DGKI: variants seen among roughly 807,000 people sequenced by gnomAD.
DGKI encodes diacylglycerol kinase iota.
Under a neutral mutation model 147.5 loss-of-function variants are expected in DGKI, and 55 were observed. The observed-to-expected ratio is 0.37, with a 90% CI of 0.30 to 0.47. DGKI has a LOEUF of 0.47. Among genes scored for constraint, DGKI ranks in the 20% least tolerant of loss-of-function variants. DGKI has a pLI of 1.00. For missense variants in DGKI, 1,007 were observed against 1,323.8 expected (o/e 0.76, Z 3.71); for synonymous variants, 469 against 477.1 (o/e 0.98, Z 0.22).
At chr7:137,395,517 C>T (rs539520894) in intron 32 of DGKI, 81 bp downstream of exon 32, 16 of 1,302,458 alleles carry the variant, frequency 1.2e-5, no homozygotes, top group Admixed American at 1.8e-5. Context: ...AAAGGATGTC[C>T]GTGCTATGGT....
intron 3 of DGKI, among the ~76,000 whole-genome samples, chr7:137,678,160 G>A (rs1585361036): frequency 6.6e-6 from 1 of 152,008 alleles, no homozygotes; most frequent in East Asian, 1.9e-4. Flanking sequence ...CACCAGTAAA[G>A]CCCCCACTGT....
intron 5 of DGKI, among the ~76,000 whole-genome samples, chr7:137,649,730 G>A (rs1479502273): frequency 6.7e-6 from 1 of 149,644 alleles, no homozygotes; most frequent in African/African-American, 2.5e-5. Context: ...AATACCACCT[G>A]TTCCTCAAAA....
intron 1 of DGKI, among the ~76,000 whole-genome samples, chr7:137,802,175 G>A (rs11769670): frequency 1.4e-3 from 208 of 152,230 alleles, no homozygotes; most frequent in Non-Finnish European, 2.2e-3. Context: ...TCTCTAAGTG[G>A]AAGCTAAGCT....
chr7:137,617,724 A>G (rs1264127840), intron 8 of DGKI, among the ~76,000 whole-genome samples: 5 of 152,098 alleles, frequency 3.3e-5, no homozygotes, highest in Non-Finnish European at 7.4e-5. Context: ...ATCAAGGTCA[A>G]TATCCTGGTT....
chr7:137,420,262 T>C (rs528066004), intron 28 of DGKI, among the ~76,000 whole-genome samples: 2 of 152,274 alleles, frequency 1.3e-5, no homozygotes, highest in Admixed American at 1.3e-4. Flanking sequence ...CAAGGTATCA[T>C]TCCTGCTGAA....
chr7:137,707,212 C>CGTG (rs1694092904), intron 1 of DGKI, among the ~76,000 whole-genome samples: 1 of 152,130 alleles, frequency 6.6e-6, no homozygotes, highest in South Asian at 2.1e-4. Context: ...GTCTGCTTAT[C>CGTG]GTAAGTACCT....
intron 1 of DGKI, among the ~76,000 whole-genome samples, chr7:137,827,893 C>G (rs1257973078): frequency 1.3e-5 from 2 of 152,176 alleles, no homozygotes; most frequent in Admixed American, 1.3e-4. Flanking sequence ...TATGTTTTCT[C>G]CATTCAATCA....
chr7:137,401,758 T>A (rs1811769637), intron 30 of DGKI, among the ~76,000 whole-genome samples: 1 of 152,176 alleles, frequency 6.6e-6, no homozygotes, highest in African/African-American at 2.4e-5. Flanking sequence ...ATGTCCACCC[T>A]TCATCCTTTG....
At chr7:137,555,423 G>A (rs1585226657) in intron 19 of DGKI, among the ~76,000 whole-genome samples, 2 of 152,090 alleles carry the variant, frequency 1.3e-5, no homozygotes, top group South Asian at 4.2e-4. Flanking sequence ...CTAGTTGGGA[G>A]GCTTAGGGAG....
At chr7:137,611,309 A>G (rs1388913288) in intron 8 of DGKI, among the ~76,000 whole-genome samples, 2 of 152,198 alleles carry the variant, frequency 1.3e-5, no homozygotes, top group Non-Finnish European at 2.9e-5. Context: ...AACCATCTCT[A>G]CACATTGGCA....
At position 137,382,895 on chromosome 7, in the gene DGKI, T is replaced by C. The variant is rs1811092398; in HGVS notation, c.*8325A>G. ...TGAAATCTAGGAACTCAAGCTGTAT[T>C]ACAGAATTAAGGGATGATGGGCAAT... On this transcript the variant is annotated 3_prime_UTR_variant, in exon 33 of 33. Transcript: ENST00000614521. The C allele has an allele frequency of 6.6e-6, 1 of 152,012 alleles. No homozygotes were observed. Among genetic ancestry groups the C allele is most frequent in the Admixed American group, 6.6e-5 (1 of 15,238 alleles). 9.4% of individuals were successfully genotyped at this position (152,012 alleles called of 1,614,324 possible). A position where few individuals can be genotyped will look rare whatever the true frequency, so the allele number is the denominator to read the frequency against.
chr7:137,408,479 C>T (rs748836701), intron 29 of DGKI, among the ~76,000 whole-genome samples: 34 of 152,302 alleles, frequency 2.2e-4, no homozygotes, highest in Non-Finnish European at 5.0e-4. Context: ...ATCAAAGCTG[C>T]TTCTTTTTCT....
rs186410315 is a variant in DGKI, at chr7:137,713,964, A to G, written c.402-23962T>C. ...CACTTGCCCAATTTTGAATGGGGAT[A>G]TTTTCTTACCACCAATTTTTCAGAA... On this transcript the variant is annotated intron_variant, in intron 1 of 32. Coordinates refer to ENST00000614521, the MANE Select transcript of DGKI (RefSeq NM_001321708.2). Among the ~76,000 whole-genome samples the G allele has an allele frequency of 9.3e-4, 142 of 152,204 alleles. 3 individuals are homozygous for G. Among genetic ancestry groups the G allele is most frequent in the Admixed American group, 9.2e-3 (140 of 15,280 alleles).
chr7:137,612,947 C>G (rs1820415460), intron 8 of DGKI, among the ~76,000 whole-genome samples: 1 of 152,044 alleles, frequency 6.6e-6, no homozygotes, highest in Non-Finnish European at 1.5e-5. Context: ...TGTTAAAGAC[C>G]TAAATAAAAA....
At chr7:137,764,519 G>T (rs1382328467) in intron 1 of DGKI, among the ~76,000 whole-genome samples, 1 of 152,072 alleles carries the variant, frequency 6.6e-6, no homozygotes. Flanking sequence ...GACTTCTCTT[G>T]TGCTGGTCCA....
intron 1 of DGKI, among the ~76,000 whole-genome samples, chr7:137,813,915 A>T (rs1797663308): frequency 6.6e-6 from 1 of 152,244 alleles, no homozygotes; most frequent in Non-Finnish European, 1.5e-5. Flanking sequence ...ATATATAGAC[A>T]TAATTTCCCT....
At chr7:137,456,133 C>G (rs1814196642) in intron 27 of DGKI, among the ~76,000 whole-genome samples, 1 of 152,122 alleles carries the variant, frequency 6.6e-6, no homozygotes, top group African/African-American at 2.4e-5. Context: ...CTACAACTTC[C>G]TATACCGACC....
chr7:137,732,073 C>T (rs1217818573), intron 1 of DGKI, among the ~76,000 whole-genome samples: 1 of 152,102 alleles, frequency 6.6e-6, no homozygotes, highest in African/African-American at 2.4e-5. Context: ...TCATCTGTAA[C>T]ATGGATCTCT....
At chr7:137,481,917 T>C (rs900558177) in intron 23 of DGKI, among the ~76,000 whole-genome samples, 3 of 152,088 alleles carry the variant, frequency 2.0e-5, no homozygotes, top group African/African-American at 4.8e-5. Context: ...CCTCCAAGCA[T>C]ATTTAATGTC....
Sources: gnomAD v4.1 joint callset for allele counts (sites outside exome capture counted in the v4.1 genomes callset) on GRCh38, gnomAD v4.1.1 for gene constraint, MANE v1.5 for transcripts, NCBI Gene and HGNC (gene_info 2026-07-23, HGNC 2026-07-21) for gene names.